Variants in CKS1B observed in about 807,000 individuals in gnomAD.
CKS1B encodes CDC28 protein kinase regulatory subunit 1B, also known as cyclin-dependent kinases regulatory subunit 1.
Under a neutral mutation model 12.2 loss-of-function variants are expected in CKS1B, and 5 were observed. The ratio of observed to expected loss-of-function variants is 0.41; its 90% CI spans 0.21 to 0.86. The LOEUF is 0.86. Ranked by LOEUF, CKS1B falls within the 40% of genes least tolerant of loss-of-function variation. The probability of loss-of-function intolerance (pLI) is 0.32; values close to 1 mark genes in which losing one functional copy is unlikely to be tolerated. For synonymous variants in CKS1B, 24 were observed against 34.4 expected (o/e 0.70, Z 1.06); for missense variants, 53 against 99.9 (o/e 0.53, Z 2.00).
At chr1:154,975,606 G>C (rs1240812063) in intron 1 of CKS1B, 2 of 155,028 alleles carry the variant, frequency 1.3e-5, no homozygotes, top group African/African-American at 2.4e-5. Flanking sequence ...CGGCTTCCTA[G>C]CTGTGAGCGG....
chr1:154,974,711 C>A lies in CKS1B; in HGVS notation c.-35C>A, dbSNP rs200615372. 211 of 1,562,466 alleles carry A rather than the reference C, an allele frequency of 1.4e-4. 1 individual carries two copies. The African/African-American group carries it at 2.3e-3, about 17-fold the overall frequency. On this transcript the variant is annotated 5_prime_UTR_variant, in exon 1 of 3. Coordinates refer to ENST00000308987, the MANE Select transcript of CKS1B (RefSeq NM_001826.3). The stretch of plus-strand genomic sequence containing the variant: ...CTGTTGGGAGTTGCTTGGAGGTTGG[C>A]GGCGCGGGGCTGAAGGCTAGCAAAC...
At chr1:154,976,972 A>G (rs1194802733) in intron 1 of CKS1B, among the ~76,000 whole-genome samples, 1 of 152,178 alleles carries the variant, frequency 6.6e-6, no homozygotes, top group Admixed American at 6.5e-5. Flanking sequence ...ATTTACCCAG[A>G]AAGTCTCAAG....
At chr1:154,976,405 C>T (rs539476459) in intron 1 of CKS1B, among the ~76,000 whole-genome samples, 2 of 152,192 alleles carry the variant, frequency 1.3e-5, no homozygotes, top group Non-Finnish European at 2.9e-5. Context: ...TATCTTGTCT[C>T]CTCAGTTGGA....
intron 2 of CKS1B, 118 bp from the exon 3 acceptor site, chr1:154,978,607 C>CT: frequency 1.2e-6 from 1 of 827,218 alleles, no homozygotes; most frequent in Non-Finnish European, 2.0e-6. Context: ...ATGCTTAAGT[C>CT]TTTATTTAGT....
intron 2 of CKS1B, 118 bp from the exon 3 acceptor site, chr1:154,978,607 C>A: frequency 1.2e-6 from 1 of 827,218 alleles, no homozygotes; most frequent in South Asian, 1.5e-5. Flanking sequence ...ATGCTTAAGT[C>A]TTTATTTAGT....
At chr1:154,977,809 C>T (rs915283759) in intron 1 of CKS1B, 178 bp from the exon 2 acceptor site, 13 of 589,632 alleles carry the variant, frequency 2.2e-5, no homozygotes, top group African/African-American at 1.5e-4. Context: ...AATATACTCT[C>T]GGAATTTATA....
At chr1:154,976,212 C>T (rs1657180378) in intron 1 of CKS1B, among the ~76,000 whole-genome samples, 1 of 152,178 alleles carries the variant, frequency 6.6e-6, no homozygotes. Context: ...GTTTAGAAGA[C>T]ACTGGATAGC....
At chr1:154,977,887 C>A (rs1158083619) in intron 1 of CKS1B, 100 bp from the exon 2 acceptor site, 9 of 1,279,256 alleles carry the variant, frequency 7.0e-6, no homozygotes, top group East Asian at 2.6e-5. Context: ...ACATCAAAAA[C>A]CAGTTTTTCT....
chr1:154,976,472 C>CT (rs1657188888), intron 1 of CKS1B, among the ~76,000 whole-genome samples: 1 of 152,218 alleles, frequency 6.6e-6, no homozygotes, highest in African/African-American at 2.4e-5. Flanking sequence ...TAGTTCAGGG[C>CT]TTTGGGTCTT....
intron 1 of CKS1B, chr1:154,975,122 T>C (rs1657124005): frequency 1.6e-6 from 1 of 620,162 alleles, no homozygotes. Context: ...TAACTTGCCT[T>C]GTAGAGACTG....
At chr1:154,975,262 A>G (rs1657131967) in intron 1 of CKS1B, among the ~76,000 whole-genome samples, 3 of 152,182 alleles carry the variant, frequency 2.0e-5, no homozygotes. Flanking sequence ...GAAAAAGACA[A>G]GGGGCGTGGT....
In CKS1B at chr1:154,978,997, G is replaced by A; in HGVS notation, c.*220G>A. ...AGTGCTCTGTGGACCCACAGCCTAA[G>A]CTGAGTGTGACCCCAGAAGCCACGA... On this transcript the variant is annotated 3_prime_UTR_variant, in exon 3 of 3. Coordinates refer to ENST00000308987, the MANE Select transcript of CKS1B (RefSeq NM_001826.3). 1.8e-6 allele frequency: 1 copy of A among 550,898 alleles called. No individual in the cohort carries two copies. The highest frequency in any genetic ancestry group is 3.3e-6 in the Non-Finnish European group (1 of 305,436). 34.1% of individuals were successfully genotyped at this position (550,898 alleles called of 1,614,324 possible).
Position 154,974,803 on chromosome 1 carries a change from C to T in CKS1B, c.58C>T (p.Arg20Ter). 1.2e-6 allele frequency: 2 copies of T among 1,613,942 alleles called. No individual in the cohort carries two copies. The highest frequency in any genetic ancestry group is 1.7e-6 in the Non-Finnish European group (2 of 1,179,916). ...DKYDDEEFEY[R>*]HVMLPKDIAK... ...ATACGACGACGAGGAGTTTGAGTAT[C>T]GGTTAGTGCTGGCGCGGGAGCAATA... The change falls in exon 1 of 3, where the codon CGA becomes TGA. Residue 20 changes from arginine (R) to a stop codon, truncating the protein, a stop_gained and splice_region_variant. Coordinates refer to ENST00000308987, the MANE Select transcript of CKS1B (RefSeq NM_001826.3). LOFTEE classifies it high-confidence loss of function.
intron 2 of CKS1B, 190 bp downstream of exon 2, chr1:154,978,304 C>A (rs1283710534): frequency 3.3e-6 from 2 of 606,558 alleles, no homozygotes; most frequent in Non-Finnish European, 5.6e-6. Context: ...AGTTCAGAGA[C>A]AACCTGTCAC....
intron 1 of CKS1B, chr1:154,977,766 A>G: frequency 2.0e-6 from 1 of 504,088 alleles, no homozygotes; most frequent in East Asian, 3.4e-5. Context: ...TTAAGTGCTC[A>G]TTCACTGGAA....
rs1473923671 is a variant in CKS1B at position 154,978,756 on chromosome 1, A to G, written c.219A>G (p.Leu73=). The G allele has an allele frequency of 6.2e-7, 1 of 1,613,152 alleles. No homozygotes were observed. ...ACATCTTGCTGTTCCGGCGCCCACT[A>G]CCCAAGAAACCAAAGAAATGAAGCT... ...EPHILLFRRP[L]PKKPKK Residue 73 remains leucine (L), a synonymous_variant, in exon 3 of 3, where the codon CTA becomes CTG. Transcript: ENST00000308987.
chr1:154,974,716 C>G lies in CKS1B; in HGVS notation c.-30C>G, dbSNP rs1167233333. ...GGGAGTTGCTTGGAGGTTGGCGGCG[C>G]GGGGCTGAAGGCTAGCAAACCGAGC... On this transcript the variant is annotated 5_prime_UTR_variant, in exon 1 of 3. Coordinates refer to ENST00000308987, the MANE Select transcript of CKS1B (RefSeq NM_001826.3). The G allele has an allele frequency of 6.4e-7, 1 of 1,567,038 alleles. No homozygotes were observed. The highest frequency in any genetic ancestry group is 8.7e-7 in the Non-Finnish European group (1 of 1,155,992).
chr1:154,975,264 G>A (rs1657132106), intron 1 of CKS1B, among the ~76,000 whole-genome samples: 1 of 152,196 alleles, frequency 6.6e-6, no homozygotes, highest in South Asian at 2.1e-4. Context: ...AAAAGACAAG[G>A]GGCGTGGTTG....
intron 1 of CKS1B, among the ~76,000 whole-genome samples, chr1:154,976,387 C>T (rs1657186640): frequency 1.3e-5 from 2 of 152,190 alleles, no homozygotes; most frequent in East Asian, 3.8e-4. Flanking sequence ...AGACCACTTC[C>T]TGGTTTGTAT....
Sources: allele counts gnomAD v4.1 joint callset (sites outside exome capture counted in the v4.1 genomes callset), GRCh38; gene constraint gnomAD v4.1.1; transcripts MANE v1.5; gene names NCBI Gene and HGNC (gene_info 2026-07-23, HGNC 2026-07-21).